GALNT18: variants seen among roughly 807,000 people sequenced by gnomAD.
GALNT18 encodes polypeptide N-acetylgalactosaminyltransferase 18.
GALNT18 carries 44 observed loss-of-function variants against 69.5 expected under a neutral mutation model. The ratio of observed to expected loss-of-function variants is 0.63; its 90% CI spans 0.50 to 0.81. The LOEUF (loss-of-function observed/expected upper bound fraction) is 0.81, where lower values mean the gene tolerates loss of function less well. Among genes scored for constraint, GALNT18 ranks in the 40% least tolerant of loss-of-function variants. The pLI, the probability that GALNT18 is intolerant of heterozygous loss-of-function variation, is 0.00. For missense variants in GALNT18, 715 were observed against 810.0 expected (o/e 0.88, Z 1.42); for synonymous variants, 364 against 318.2 (o/e 1.14, Z -1.53).
chr11:11,566,739 A>C (rs1332201504), intron 1 of GALNT18, among the ~76,000 whole-genome samples: 1 of 152,216 alleles, frequency 6.6e-6, no homozygotes, highest in African/African-American at 2.4e-5. Context: ...CTTTTGAAAT[A>C]AAAAGTTTGG....
chr11:11,553,909 C>T (rs545506613), intron 1 of GALNT18, among the ~76,000 whole-genome samples: 3 of 152,288 alleles, frequency 2.0e-5, no homozygotes, highest in South Asian at 4.2e-4. Context: ...AAGGCAGCCC[C>T]GGAAAATTTG....
At position 11,519,352 on chromosome 11, in the gene GALNT18, A is replaced by G. The variant is rs112975168; in HGVS notation, c.236-70416T>C. On this transcript the variant is annotated intron_variant, in intron 1 of 10. Coordinates refer to ENST00000227756, the MANE Select transcript of GALNT18 (RefSeq NM_198516.3). ...ATTAGGCCTGAAGGGGTCAAGGGAG[A>G]GAGTCCTTCCAGGAGCCCAGCAAGA... Among the ~76,000 whole-genome samples, 1,324 of 152,314 alleles carry G rather than the reference A, an allele frequency of 8.7e-3. 14 individuals are homozygous for G. Among genetic ancestry groups the G allele is most frequent in the African/African-American group, 0.031 (1,273 of 41,566 alleles).
At chr11:11,331,798 G>A (rs1564898033) in intron 8 of GALNT18, among the ~76,000 whole-genome samples, 1 of 152,094 alleles carries the variant, frequency 6.6e-6, no homozygotes, top group South Asian at 2.1e-4. Context: ...GGTTTGTCAT[G>A]GCAAAAGTTT....
intron 10 of GALNT18, among the ~76,000 whole-genome samples, chr11:11,276,136 T>C (rs1848941315): frequency 6.6e-6 from 1 of 152,234 alleles, no homozygotes; most frequent in African/African-American, 2.4e-5. Flanking sequence ...ATGGCCATTT[T>C]CATGATATTG....
chr11:11,533,253 G>T (rs1415393350), intron 1 of GALNT18, among the ~76,000 whole-genome samples: 1 of 152,146 alleles, frequency 6.6e-6, no homozygotes, highest in East Asian at 1.9e-4. Flanking sequence ...CATCCTCAGG[G>T]CGCCCTATTA....
At chr11:11,443,777 G>A (rs1855584669) in intron 2 of GALNT18, among the ~76,000 whole-genome samples, 1 of 152,252 alleles carries the variant, frequency 6.6e-6, no homozygotes, top group Non-Finnish European at 1.5e-5. Context: ...CACCAGAGGA[G>A]TCTGAAGTGT....
intron 1 of GALNT18, among the ~76,000 whole-genome samples, chr11:11,508,514 T>C (rs990747349): frequency 1.9e-4 from 29 of 152,238 alleles, no homozygotes; most frequent in Non-Finnish European, 4.0e-4. Flanking sequence ...ACTTCATTCG[T>C]TTGTAATTAA....
intron 1 of GALNT18, among the ~76,000 whole-genome samples, chr11:11,558,873 T>C (rs1858395602): frequency 6.6e-6 from 1 of 152,204 alleles, no homozygotes; most frequent in Admixed American, 6.5e-5. Context: ...CCACTTACTG[T>C]CCTGATGCTC....
rs536699584 is a variant in GALNT18 at position 11,470,933 on chromosome 11, C to T, written c.236-21997G>A. 1.2e-4 allele frequency among the ~76,000 whole-genome samples: 19 copies of T among 152,176 alleles called. No homozygotes were observed. The highest frequency in any genetic ancestry group is 2.4e-4 in the Non-Finnish European group (16 of 68,024). On this transcript the variant is annotated intron_variant, in intron 1 of 10. Transcript: ENST00000227756. The surrounding 1 kb of genome is among the most constrained non-coding windows in gnomAD (Gnocchi z 4.8). ...CTTTGCCTGAGAATCAAACGTCCTGCCAAATGGCTTCTTGATTTCTCCCCA... is the reference window on the plus strand; with the variant it reads ...CTTTGCCTGAGAATCAAACGTCCTGTCAAATGGCTTCTTGATTTCTCCCCA...
chr11:11,273,035 C>G (rs1848860246), intron 10 of GALNT18, among the ~76,000 whole-genome samples: 1 of 151,954 alleles, frequency 6.6e-6, no homozygotes, highest in African/African-American at 2.4e-5. Flanking sequence ...AAAATCAAAT[C>G]AAAATAGGTT....
At position 11,459,065 on chromosome 11, in the gene GALNT18, T is replaced by C. The variant is rs1855984542; in HGVS notation, c.236-10129A>G. On this transcript the variant is annotated intron_variant, in intron 1 of 10. Transcript: ENST00000227756. The surrounding 1 kb of genome is among the most constrained non-coding windows in gnomAD (Gnocchi z 5.0). ...CCAGCAAAGCAAGATGTTATGCCTC[T>C]GCTTGTGATTAGGCTCCCAAAGGAC... 6.6e-6 allele frequency among the ~76,000 whole-genome samples: 1 copy of C among 152,210 alleles called. No homozygotes were observed. Among genetic ancestry groups the C allele is most frequent in the African/African-American group, 2.4e-5 (1 of 41,464 alleles).
intron 1 of GALNT18, among the ~76,000 whole-genome samples, chr11:11,462,860 G>A (rs887240116): frequency 6.6e-6 from 1 of 152,152 alleles, no homozygotes; most frequent in Non-Finnish European, 1.5e-5. Context: ...CCACCCGGGA[G>A]GGGTCCTGCA....
At chr11:11,554,538 A>G (rs1365275916) in intron 1 of GALNT18, among the ~76,000 whole-genome samples, 1 of 152,110 alleles carries the variant, frequency 6.6e-6, no homozygotes, top group Non-Finnish European at 1.5e-5. Flanking sequence ...CATTTAAGAC[A>G]CCCTGAAAGT....
intron 2 of GALNT18, among the ~76,000 whole-genome samples, chr11:11,442,158 C>T (rs541022613): frequency 7.7e-4 from 118 of 152,302 alleles, no homozygotes; most frequent in African/African-American, 2.6e-3. Flanking sequence ...AGGCTGCTCA[C>T]GTTCCTTCCC....
intron 2 of GALNT18, among the ~76,000 whole-genome samples, chr11:11,437,647 T>C (rs1855434333): frequency 6.6e-6 from 1 of 151,416 alleles, no homozygotes; most frequent in East Asian, 2.0e-4. Flanking sequence ...TCATGCGCTA[T>C]AGCCAGACAC....
Position 11,511,784 on chromosome 11 carries a change from A to G in GALNT18, c.236-62848T>C, listed in dbSNP as rs1321684061. On this transcript the variant is annotated intron_variant, in intron 1 of 10. Transcript: ENST00000227756. This position sits in a 1 kb window ranked among gnomAD's most constrained non-coding sequence, Gnocchi z 4.9. Reference sequence around the variant, plus strand: ...GTCTCTTTTTGCCATGTGAGGATACAATGAGAAGTTGGCAGTAAACAACCC... The same window carrying G: ...GTCTCTTTTTGCCATGTGAGGATACGATGAGAAGTTGGCAGTAAACAACCC... 6.6e-6 allele frequency among the ~76,000 whole-genome samples: 1 copy of G among 152,096 alleles called. No individual in the cohort carries two copies. Among genetic ancestry groups the G allele is most frequent in the East Asian group, 1.9e-4 (1 of 5,170 alleles).
chr11:11,301,935 A>G (rs1849501540), intron 9 of GALNT18, among the ~76,000 whole-genome samples: 3 of 152,156 alleles, frequency 2.0e-5, no homozygotes, highest in Admixed American at 2.0e-4. Flanking sequence ...CCAGAGCTGG[A>G]GTAACAGTCT....
chr11:11,576,809 T>G (rs934704896), intron 1 of GALNT18, among the ~76,000 whole-genome samples: 2 of 152,228 alleles, frequency 1.3e-5, no homozygotes, highest in Admixed American at 1.3e-4. Flanking sequence ...AACAATCACT[T>G]TTTTGTTTTT....
intron 6 of GALNT18, among the ~76,000 whole-genome samples, chr11:11,354,823 G>A (rs932007448): frequency 2.6e-5 from 4 of 152,138 alleles, no homozygotes; most frequent in East Asian, 3.9e-4. Context: ...CGAAGTTCCC[G>A]ATTTTCTTCC....
Sources: gnomAD v4.1 joint callset for allele counts (sites outside exome capture counted in the v4.1 genomes callset) on GRCh38, gnomAD v4.1.1 for gene constraint, Gnocchi (gnomAD v3.1) non-coding constraint, MANE v1.5 for transcripts, NCBI Gene and HGNC (gene_info 2026-07-23, HGNC 2026-07-21) for gene names.